GABRR3: variants seen among roughly 807,000 people sequenced by gnomAD.
GABRR3 encodes gamma-aminobutyric acid receptor subunit rho-3.
In GABRR3, 29 loss-of-function variants were observed where a neutral mutation model predicts 43.2. The observed-to-expected ratio is 0.67, with a 90% confidence interval of 0.50 to 0.92. GABRR3 has a LOEUF of 0.92. Among genes scored for constraint, GABRR3 ranks in the 40% least tolerant of loss-of-function variants. The probability of loss-of-function intolerance (pLI) is 0.00; values close to 1 mark genes in which losing one functional copy is unlikely to be tolerated. For missense variants in GABRR3, 576 were observed against 572.3 expected, an observed-to-expected ratio of 1.01 and a Z score of -0.07; for synonymous variants, 206 against 195.9, an observed-to-expected ratio of 1.05 and a Z score of -0.43.
At chr3:98,020,018 C>T (rs1263325797) in intron 3 of GABRR3, among the ~76,000 whole-genome samples, 1 of 152,092 alleles carries the variant, frequency 6.6e-6, no homozygotes, top group Non-Finnish European at 1.5e-5. Context: ...ATCAAAATAA[C>T]AATTCACGAA....
chr3:98,026,618 T>TTAG lies in GABRR3; in HGVS notation c.126-940_126-939insCTA, dbSNP rs200198425. ...AAGGTGGCTGTCATCATCATCATCA[T>TTAG]CATCATCATCATCATCATCATCATC... On this transcript the variant is annotated intron_variant, in intron 2 of 9. Transcript: ENST00000621172. 8.1e-4 allele frequency among the ~76,000 whole-genome samples: 47 copies of TTAG among 57,934 alleles called. 1 individual carries two copies. The highest frequency in any genetic ancestry group is 5.6e-3 in the East Asian group (7 of 1,246). 38.0% of individuals were successfully genotyped at this position (57,934 alleles called of 152,430 possible). A position where few individuals can be genotyped will look rare whatever the true frequency, so the allele number is the denominator to read the frequency against.
At chr3:98,012,565 G>A in exon 5 of GABRR3, 1 of 1,607,370 alleles carries the variant, frequency 6.2e-7, no homozygotes, top group Non-Finnish European at 8.5e-7. Context: ...TCATTGTAAA[G>A]TCCTAGACAG....
At chr3:98,017,165 A>G (rs987073300) in intron 4 of GABRR3, among the ~76,000 whole-genome samples, 6 of 152,214 alleles carry the variant, frequency 3.9e-5, no homozygotes, top group African/African-American at 1.4e-4. Flanking sequence ...TTTTTAATTA[A>G]ATTTTTAGTC....
At chr3:98,009,996 T>G (rs1706767605) in intron 5 of GABRR3, among the ~76,000 whole-genome samples, 1 of 152,192 alleles carries the variant, frequency 6.6e-6, no homozygotes, top group African/African-American at 2.4e-5. Flanking sequence ...CTAGGTAGTG[T>G]CAGAACCAAG....
At chr3:98,019,179 A>G (rs1706907548) in intron 3 of GABRR3, among the ~76,000 whole-genome samples, 1 of 152,084 alleles carries the variant, frequency 6.6e-6, no homozygotes, top group African/African-American at 2.4e-5. Context: ...TAAAAGAAAC[A>G]AAGAAAGATT....
chr3:98,001,323 C>T (rs1706637420), intron 8 of GABRR3: 2 of 352,174 alleles, frequency 5.7e-6, no homozygotes, highest in Admixed American at 3.9e-5. Flanking sequence ...AAGAGATAAG[C>T]TTTAAAAGTG....
intron 9 of GABRR3, among the ~76,000 whole-genome samples, chr3:97,992,442 T>C (rs555091710): frequency 1.2e-4 from 18 of 152,184 alleles, no homozygotes; most frequent in Non-Finnish European, 2.2e-4. Context: ...ATACTGACCT[T>C]GGTGTGAGAG....
chr3:98,030,393 T>A (rs911995881), intron 2 of GABRR3, among the ~76,000 whole-genome samples: 16 of 152,158 alleles, frequency 1.1e-4, no homozygotes, highest in African/African-American at 3.9e-4. Context: ...ATTAATAATA[T>A]GGAGTGATTA....
intron 3 of GABRR3, among the ~76,000 whole-genome samples, chr3:98,025,018 T>C (rs928515720): frequency 6.6e-6 from 1 of 152,228 alleles, no homozygotes; most frequent in African/African-American, 2.4e-5. Flanking sequence ...AGTGTTCACA[T>C]TGCAATATTA....
At chr3:98,026,602 G>GTCATCATCATCATCATTAGCA (rs1553720236) in intron 2 of GABRR3, among the ~76,000 whole-genome samples, 23,248 of 101,352 alleles carry the variant, frequency 0.23, 2,607 homozygotes, top group East Asian at 0.37. Flanking sequence ...AAAGGTGGCT[G>GTCATCATCATCATCATTAGCA]TCATCATCAT....
chr3:98,006,307 A>C (rs1422104794), intron 7 of GABRR3, among the ~76,000 whole-genome samples: 1 of 152,214 alleles, frequency 6.6e-6, no homozygotes, highest in Admixed American at 6.5e-5. Context: ...TGATCAAAAC[A>C]AATAAATATG....
intron 3 of GABRR3, among the ~76,000 whole-genome samples, chr3:98,018,534 C>T (rs1365379406): frequency 6.6e-6 from 1 of 152,124 alleles, no homozygotes; most frequent in African/African-American, 2.4e-5. Flanking sequence ...CTGACATTTC[C>T]TAGTTACACC....
intron 2 of GABRR3, among the ~76,000 whole-genome samples, chr3:98,028,847 G>T (rs1029145511): frequency 2.6e-5 from 4 of 152,130 alleles, no homozygotes; most frequent in Non-Finnish European, 5.9e-5. Context: ...GGCCTCTGAT[G>T]CATACATAGG....
At chr3:97,991,833 T>A (rs563325527) in intron 9 of GABRR3, among the ~76,000 whole-genome samples, 1 of 150,054 alleles carries the variant, frequency 6.7e-6, no homozygotes, top group Non-Finnish European at 1.5e-5. Flanking sequence ...TTTGGTTGCA[T>A]ATAAATCCTC....
rs572014723 is a variant in GABRR3 at position 98,023,226 on chromosome 3, C to T, written c.238+2341G>A. Among the ~76,000 whole-genome samples, 138 of 152,300 alleles carry T rather than the reference C, an allele frequency of 9.1e-4. 1 individual carries two copies. Among genetic ancestry groups the T allele is most frequent in the Admixed American group, 1.5e-3 (23 of 15,288 alleles). ...TCTACATTCAAGGATAGTCATTTTT[C>T]TCTCAATCTTTCTTCCTTTACATGG... On this transcript the variant is annotated intron_variant, in intron 3 of 9. Transcript: ENST00000621172.
chr3:98,018,004 C>CTT (rs10710938), intron 3 of GABRR3, among the ~76,000 whole-genome samples: 5 of 137,018 alleles, frequency 3.6e-5, no homozygotes, highest in Non-Finnish European at 7.9e-5. Context: ...CTCCAGTTTT[C>CTT]TTTTTTTTTT....
At chr3:97,986,786 C>T (rs758094416) in exon 10 of GABRR3, 1 of 1,610,582 alleles carries the variant, frequency 6.2e-7, no homozygotes, top group African/African-American at 1.3e-5. Context: ...CAGAATGATT[C>T]TACCAACATG....
exon 9 of GABRR3, chr3:97,992,992 G>T (rs947971996): frequency 1.9e-6 from 3 of 1,613,096 alleles, no homozygotes; most frequent in African/African-American, 2.7e-5. Context: ...GACACCTGGG[G>T]CATGGAGGCG....
chr3:98,008,990 A>C (rs768728604), exon 6 of GABRR3: 2 of 1,608,154 alleles, frequency 1.2e-6, no homozygotes, highest in South Asian at 2.2e-5. Flanking sequence ...TTTGAGTGTC[A>C]AGAGGAAACC....
Sources: gnomAD v4.1 joint callset for allele counts (sites outside exome capture counted in the v4.1 genomes callset) on GRCh38, gnomAD v4.1.1 for gene constraint, MANE v1.5 for transcripts, NCBI Gene and HGNC (gene_info 2026-07-23, HGNC 2026-07-21) for gene names.